The following TCF4 variants were observed in gnomAD, a reference collection of about 807,000 sequenced individuals.
TCF4 encodes SL3-3 enhancer factor 2.
TCF4 carries 3 observed loss-of-function variants against 82.1 expected under a neutral mutation model. That is an observed-to-expected ratio of 0.04 (90% CI 0.02 to 0.09). The LOEUF is 0.09. Ranked by LOEUF, TCF4 falls within the 10% of genes least tolerant of loss-of-function variation. TCF4 has a pLI of 1.00. For missense variants in TCF4, 518 were observed against 852.7 expected, an observed-to-expected ratio of 0.61 and a Z score of 4.89; for synonymous variants, 276 against 309.6, an observed-to-expected ratio of 0.89 and a Z score of 1.14.
At chr18:55,466,737 A>C (rs2096031547) in intron 3 of TCF4, among the ~76,000 whole-genome samples, 1 of 152,188 alleles carries the variant, frequency 6.6e-6, no homozygotes, top group Admixed American at 6.5e-5. Flanking sequence ...AAAAAAGGAA[A>C]AGTAATGGTC....
intron 5 of TCF4, among the ~76,000 whole-genome samples, chr18:55,416,571 T>C (rs1569436051): frequency 6.6e-6 from 1 of 152,170 alleles, no homozygotes. Flanking sequence ...ATAATATATA[T>C]ATTTTTTAGC....
chr18:55,416,483 G>A (rs898915926), intron 5 of TCF4, among the ~76,000 whole-genome samples: 1 of 152,186 alleles, frequency 6.6e-6, no homozygotes, highest in Non-Finnish European at 1.5e-5. Context: ...AGGCTAAGAA[G>A]CGATTCCTAA....
At chr18:55,517,211 G>C (rs1177549623) in intron 3 of TCF4, among the ~76,000 whole-genome samples, 1 of 152,148 alleles carries the variant, frequency 6.6e-6, no homozygotes, top group Non-Finnish European at 1.5e-5. Context: ...GTATCTGCAA[G>C]CATGATGTAA....
intron 3 of TCF4, among the ~76,000 whole-genome samples, chr18:55,495,040 A>C (rs747867201): frequency 2.0e-5 from 3 of 151,914 alleles, no homozygotes; most frequent in Non-Finnish European, 4.4e-5. Context: ...CTTTTAAAAG[A>C]CTATAAATGC....
chr18:55,434,763 C>CGTGTGTGTGTGTCT (rs2095290985), intron 5 of TCF4, among the ~76,000 whole-genome samples: 3 of 131,722 alleles, frequency 2.3e-5, no homozygotes, highest in African/African-American at 8.5e-5. Flanking sequence ...CTCAAGTATT[C>CGTGTGTGTGTGTCT]GTGTGTGTGT....
At chr18:55,486,850 G>A (rs2145714600) in intron 3 of TCF4, among the ~76,000 whole-genome samples, 1 of 152,184 alleles carries the variant, frequency 6.6e-6, no homozygotes, top group Non-Finnish European at 1.5e-5. Flanking sequence ...CATTTTACTT[G>A]ACCTCACTCA....
intron 6 of TCF4, among the ~76,000 whole-genome samples, chr18:55,360,969 C>A (rs1366279105): frequency 6.6e-6 from 1 of 152,126 alleles, no homozygotes; most frequent in Non-Finnish European, 1.5e-5. Context: ...TCGTGATCCA[C>A]CCGCGCTGGC....
In TCF4 at chr18:55,239,143, G is replaced by T. The variant is rs187156412; in HGVS notation, c.1351-4460C>A. Among the ~76,000 whole-genome samples, 8 of 152,316 alleles carry T rather than the reference G, an allele frequency of 5.3e-5. No homozygotes were observed. The East Asian group carries it at 1.5e-3, about 29-fold the overall frequency. On this transcript the variant is annotated intron_variant, in intron 15 of 19. Transcript: ENST00000354452. The stretch of plus-strand genomic sequence containing the variant: ...AATTTGTCAATGGAAATAATTAAAT[G>T]TCATTAGATATGCAATAATTATTTT...
chr18:55,367,081 T>C (rs957745849), intron 6 of TCF4, among the ~76,000 whole-genome samples: 3 of 152,212 alleles, frequency 2.0e-5, no homozygotes, highest in Non-Finnish European at 4.4e-5. Context: ...TCATCTCCCT[T>C]AGGACCCAAG....
intron 2 of TCF4, among the ~76,000 whole-genome samples, chr18:55,595,785 C>T (rs960428669): frequency 1.3e-5 from 2 of 152,142 alleles, no homozygotes; most frequent in East Asian, 3.9e-4. Context: ...CCTGACTATT[C>T]TATTTTAAGG....
rs371364223 is a variant in TCF4, at chr18:55,247,412, C to A, written c.1350+7085G>T. On this transcript the variant is annotated intron_variant, in intron 15 of 19. Transcript: ENST00000354452. ...TTCATGAAGTTTTGTACAGACACAA[C>A]AAAAAGTACACAATGAGACTGGGGA... Among the ~76,000 whole-genome samples, 9 of 152,278 alleles carry A rather than the reference C, an allele frequency of 5.9e-5. 1 individual carries two copies. Among genetic ancestry groups the A allele is most frequent in the African/African-American group, 9.6e-5 (4 of 41,546 alleles).
At chr18:55,464,199 A>T in intron 3 of TCF4, 62 bp from the exon 4 acceptor site, 5 of 1,384,754 alleles carry the variant, frequency 3.6e-6, no homozygotes, top group Non-Finnish European at 5.1e-6. Context: ...TTGTATATGC[A>T]CTTTCAAATT....
At chr18:55,592,656 A>G (rs1603625065), upstream of TCF4, among the ~76,000 whole-genome samples, 1 of 152,032 alleles carries the variant, frequency 6.6e-6, no homozygotes, top group African/African-American at 2.4e-5. Flanking sequence ...CCCCAGCCCC[A>G]CCAGCCCCAG....
intron 12 of TCF4, among the ~76,000 whole-genome samples, chr18:55,260,605 T>G (rs931365469): frequency 6.6e-6 from 1 of 152,144 alleles, no homozygotes; most frequent in Non-Finnish European, 1.5e-5. Context: ...GTCACCCAAG[T>G]TGGAGTGCAG....
intron 3 of TCF4, chr18:55,510,801 A>G (rs2096819926): frequency 5.8e-6 from 7 of 1,201,418 alleles, no homozygotes; most frequent in African/African-American, 1.6e-5. Context: ...ATTTGTATAT[A>G]TCAGTCAGTA....
chr18:55,319,107 T>C (rs1319540774), intron 8 of TCF4, among the ~76,000 whole-genome samples: 1 of 152,180 alleles, frequency 6.6e-6, no homozygotes, highest in African/African-American at 2.4e-5. Flanking sequence ...CTGACCACAC[T>C]TAACTTCAAC....
intron 6 of TCF4, among the ~76,000 whole-genome samples, chr18:55,370,302 A>G (rs888744156): frequency 6.6e-6 from 1 of 152,156 alleles, no homozygotes; most frequent in Non-Finnish European, 1.5e-5. Flanking sequence ...GCTACTTAGG[A>G]GGCTGAGGTG....
In TCF4 at chr18:55,622,150, TACAC is replaced by T. The variant is rs10654991; in HGVS notation, c.286+9144_286+9147del. Among the ~76,000 whole-genome samples, 11 of 139,532 alleles carry T rather than the reference TACAC, an allele frequency of 7.9e-5. No homozygotes were observed. In the South Asian group the frequency reaches 1.5e-3, roughly 19 times the overall value. 91.5% of individuals were successfully genotyped at this position (139,532 alleles called of 152,430 possible). On this transcript the variant is annotated intron_variant, in intron 2 of 20. Coordinates refer to the TCF4 transcript ENST00000398339. The stretch of plus-strand genomic sequence containing the variant: ...ATCCTTAGCCCTCATCCTTCAAGAT[TACAC>T]ACACACACACACACACACGCACTCA...
chr18:55,520,193 G>A (rs796667591), intron 3 of TCF4, among the ~76,000 whole-genome samples: 6 of 152,154 alleles, frequency 3.9e-5, no homozygotes, highest in African/African-American at 1.2e-4. Flanking sequence ...AATGTCTCTA[G>A]GAATCAATTT....
Sources: allele counts gnomAD v4.1 joint callset (sites outside exome capture counted in the v4.1 genomes callset), GRCh38; gene constraint gnomAD v4.1.1; transcripts MANE v1.5; gene names NCBI Gene and HGNC (gene_info 2026-07-23, HGNC 2026-07-21).